The following ENG variants were observed in gnomAD, a reference collection of about 807,000 sequenced individuals.
ENG encodes the protein endoglin.
In ENG, 17 loss-of-function variants were observed where a neutral mutation model predicts 71.0. The observed-to-expected ratio is 0.24, with a 90% CI of 0.16 to 0.36. ENG has a LOEUF of 0.36. ENG is among the 10% of genes least tolerant of loss of function. The pLI is 1.00. For missense variants in ENG, 749 were observed against 868.3 expected, an observed-to-expected ratio of 0.86 and a Z score of 1.73; for synonymous variants, 360 against 366.9, an observed-to-expected ratio of 0.98 and a Z score of 0.21.
At position 127,818,179 on chromosome 9, in the gene ENG, T is replaced by G. The variant is rs1763428045; in HGVS notation, c.1627A>C (p.Lys543Gln). ...LLHFYTVPIP[K>Q]TGTLSCTVAL... The stretch of plus-strand genomic sequence containing the variant: ...ACCGTGCAGCTGAGGGTGCCGGTTT[T>G]GGGTATGGGTACTGTGTAGAAGTGG... Residue 543 changes from lysine (K) to glutamine (Q), a missense_variant, in exon 12 of 15, where the codon AAA (lysine) becomes CAA (glutamine). Coordinates refer to ENST00000373203, the MANE Select transcript of ENG (RefSeq NM_001114753.3). The G allele has an allele frequency of 6.2e-7, 1 of 1,614,090 alleles. No individual in the cohort carries two copies. Among genetic ancestry groups the G allele is most frequent in the African/African-American group, 1.3e-5 (1 of 74,938 alleles).
At chr9:127,823,533 C>T (rs1237962823) in intron 8 of ENG, among the ~76,000 whole-genome samples, 9 of 151,732 alleles carry the variant, frequency 5.9e-5, no homozygotes, top group South Asian at 2.1e-4. Context: ...GGACTACAGG[C>T]GCCTGCCACC....
At position 127,846,663 on chromosome 9, in the gene ENG, C is replaced by G. The variant is rs1357429042; in HGVS notation, c.68-3418G>C. Among the ~76,000 whole-genome samples, 1 of 152,190 alleles carries G rather than the reference C, an allele frequency of 6.6e-6. No individual in the cohort carries two copies. Among genetic ancestry groups the G allele is most frequent in the African/African-American group, 2.4e-5 (1 of 41,444 alleles). On this transcript the variant is annotated intron_variant, in intron 1 of 14. Coordinates refer to ENST00000373203, the MANE Select transcript of ENG (RefSeq NM_001114753.3). This position sits in a 1 kb window ranked among gnomAD's most constrained non-coding sequence, Gnocchi z 5.5. The stretch of plus-strand genomic sequence containing the variant: ...CCTTTTCGAATCCTGGCCGCCCCCA[C>G]CCCGCAGACGAGAATGGGGAGACAG...
chr9:127,825,573 C>T (rs890185630), intron 5 of ENG, 122 bp downstream of exon 5: 32 of 1,154,996 alleles, frequency 2.8e-5, no homozygotes, highest in African/African-American at 1.7e-4. Context: ...CACAGGGCTG[C>T]GGCGGGGCTG....
rs148098047 is a variant in ENG at position 127,829,741 on chromosome 9, G to A, written c.306C>T (p.Asn102=). ...PREVLLVLSV[N]SSVFLHLQAL... ...CCTGGAGATGCAGGAAGACACTGCT[G>A]TTTACACTGAGGACCAGAAGCACCT... Residue 102 remains asparagine, a synonymous_variant, in exon 3 of 15, where the codon AAC becomes AAT. Transcript: ENST00000373203. 1.7e-5 allele frequency: 27 copies of A among 1,614,146 alleles called. No homozygotes were observed. The African/African-American group carries it at 2.5e-4, about 15-fold the overall frequency.
At chr9:127,854,186 G>A in intron 1 of ENG, 103 bp downstream of exon 1, 1 of 1,248,408 alleles carries the variant, frequency 8.0e-7, no homozygotes. Context: ...GGATGGCTCT[G>A]CTGGGCGTGA....
At chr9:127,851,738 G>A (rs1831290284) in intron 1 of ENG, among the ~76,000 whole-genome samples, 1 of 151,964 alleles carries the variant, frequency 6.6e-6, no homozygotes, top group Non-Finnish European at 1.5e-5. Flanking sequence ...AATTAGGCGG[G>A]TGTGGGGCCG....
chr9:127,826,676 G>A lies in ENG; in HGVS notation c.361-4C>T. 1 of 1,613,422 alleles carries A rather than the reference G, an allele frequency of 6.2e-7. No individual in the cohort carries two copies. The stretch of plus-strand genomic sequence containing the variant: ...GGAAGGTGACCAGGCTGGAATTCTG[G>A]GGAGACATGTGGAGGCTCAGCACGC... On this transcript the variant is annotated splice_polypyrimidine_tract_variant and splice_region_variant and intron_variant, in intron 3 of 14. Transcript: ENST00000373203.
intron 8 of ENG, among the ~76,000 whole-genome samples, chr9:127,820,690 G>A (rs544453170): frequency 4.6e-5 from 7 of 151,578 alleles, no homozygotes; most frequent in South Asian, 2.1e-4. Flanking sequence ...TTAGCCGGGC[G>A]TGGTGGCGGG....
At chr9:127,818,939 T>A in intron 10 of ENG, 107 bp from the exon 11 acceptor site, 4 of 858,836 alleles carry the variant, frequency 4.7e-6, no homozygotes, top group Non-Finnish European at 7.5e-6. Context: ...TGCCTGACTC[T>A]CTTTTTTTTT....
Position 127,836,021 on chromosome 9 carries a change from A to G in ENG, c.220-6194T>C, listed in dbSNP as rs41459245. On this transcript the variant is annotated intron_variant, in intron 2 of 14. Transcript: ENST00000373203. The surrounding 1 kb of genome is among the most constrained non-coding windows in gnomAD (Gnocchi z 4.0). ...TGGGTGCTCAGGTTCTCTGAGCTGCAGGGCCAAGCTGAAAAACAGCTGGTT... is the reference window on the plus strand; with the variant it reads ...TGGGTGCTCAGGTTCTCTGAGCTGCGGGGCCAAGCTGAAAAACAGCTGGTT... Among the ~76,000 whole-genome samples the G allele has an allele frequency of 0.021, 3,163 of 152,272 alleles. 78 individuals are homozygous for G. Among genetic ancestry groups the G allele is most frequent in the African/African-American group, 0.066 (2,761 of 41,552 alleles).
intron 2 of ENG, among the ~76,000 whole-genome samples, chr9:127,839,796 T>C (rs1170224130): frequency 6.6e-6 from 1 of 152,134 alleles, no homozygotes; most frequent in Non-Finnish European, 1.5e-5. Flanking sequence ...CCTCAAGTGA[T>C]CTGCCTGCCT....
At chr9:127,817,126 C>G in intron 13 of ENG, 23 bp downstream of exon 13, 1 of 1,614,070 alleles carries the variant, frequency 6.2e-7, no homozygotes, top group Non-Finnish European at 8.5e-7. Context: ...AGAACAAACC[C>G]GAGAGACCTG....
intron 1 of ENG, among the ~76,000 whole-genome samples, chr9:127,849,862 C>T (rs1831249499): frequency 6.6e-6 from 1 of 152,218 alleles, no homozygotes; most frequent in African/African-American, 2.4e-5. Context: ...TATACGAGTA[C>T]CTCAGTCTCC....
chr9:127,825,132 T>C, intron 6 of ENG, 99 bp downstream of exon 6: 5 of 1,608,372 alleles, frequency 3.1e-6, no homozygotes, highest in Non-Finnish European at 4.2e-6. Context: ...AGGTGATTTG[T>C]CCTTCAGCTC....
At chr9:127,850,313 C>T (rs536687672) in intron 1 of ENG, among the ~76,000 whole-genome samples, 237 of 152,344 alleles carry the variant, frequency 1.6e-3, no homozygotes, top group African/African-American at 5.3e-3. Flanking sequence ...TGGCATTATG[C>T]CTGACATGCT....
At chr9:127,834,340 C>T (rs867622881) in intron 2 of ENG, among the ~76,000 whole-genome samples, 10 of 152,218 alleles carry the variant, frequency 6.6e-5, no homozygotes, top group Middle Eastern at 3.4e-3. Flanking sequence ...CGGGTTCAAG[C>T]GATTCTCCTG....
At chr9:127,839,118 G>A (rs960748187) in intron 2 of ENG, among the ~76,000 whole-genome samples, 6 of 152,078 alleles carry the variant, frequency 3.9e-5, no homozygotes, top group Non-Finnish European at 8.8e-5. Flanking sequence ...TAGACACCAG[G>A]GGCCTTTTCC....
chr9:127,843,197 C>T lies in ENG; in HGVS notation c.116G>A (p.Arg39Lys), dbSNP rs892005175. The T allele has an allele frequency of 2.9e-5, 47 of 1,614,238 alleles. No homozygotes were observed. The highest frequency in any genetic ancestry group is 3.8e-5 in the Non-Finnish European group (45 of 1,180,048). The part of the protein sequence containing the change: ...HCDLQPVGPE[R>K]GEVTYTTSQV... ...GCTAGTGGTATATGTCACCTCGCCC[C>T]TCTCGGGGCCCACAGGCTGAAGGTC... The change falls in exon 2 of 15, where the codon AGG (arginine) becomes AAG (lysine). Residue 39 changes from arginine (R) to lysine (K), a missense_variant. Arg to Lys is a conservative substitution (Grantham distance 26). Coordinates refer to ENST00000373203, the MANE Select transcript of ENG (RefSeq NM_001114753.3).
intron 8 of ENG, among the ~76,000 whole-genome samples, chr9:127,822,996 A>G (rs1361491134): frequency 6.6e-6 from 1 of 151,770 alleles, no homozygotes; most frequent in East Asian, 1.9e-4. Context: ...GTGCACCACC[A>G]CGTCCGGCTA....
Sources: allele counts gnomAD v4.1 joint callset (sites outside exome capture counted in the v4.1 genomes callset), GRCh38; gene constraint gnomAD v4.1.1; non-coding constraint Gnocchi (gnomAD v3.1); transcripts MANE v1.5; gene names NCBI Gene and HGNC (gene_info 2026-07-23, HGNC 2026-07-21).